The following ATXN2 variants were observed in gnomAD, a reference collection of about 807,000 sequenced individuals.
The protein encoded by ATXN2 is ataxin 2, also known as ataxin-2.
In ATXN2, 37 loss-of-function variants were observed where a neutral mutation model predicts 138.6. The observed-to-expected ratio is 0.27, with a 90% CI of 0.21 to 0.35. The LOEUF is 0.35. Among genes scored for constraint, ATXN2 ranks in the 10% least tolerant of loss-of-function variants. ATXN2 has a pLI of 1.00. For synonymous variants in ATXN2, 549 were observed against 543.7 expected, an observed-to-expected ratio of 1.01 and a Z score of -0.13; for missense variants, 1,216 against 1,480.3, an observed-to-expected ratio of 0.82 and a Z score of 2.93.
In ATXN2 at chr12:111,488,759, C is replaced by A; in HGVS notation, c.1957G>T (p.Glu653Ter). 1 of 1,607,734 alleles carries A rather than the reference C, an allele frequency of 6.2e-7. No homozygotes were observed. Among genetic ancestry groups the A allele is most frequent in the South Asian group, 1.1e-5 (1 of 90,528 alleles). Residue 653 changes from glutamate to a stop codon, truncating the protein, a stop_gained, in exon 15 of 25, where the codon GAA becomes TAA. Transcript: ENST00000673436. LOFTEE classifies it high-confidence loss of function. ...DFRLQPSSTS[E>*]SMDQLLNKNR... ...TTGTTTAGTAGTTGATCCATAGATTCAGAAGTAGAACTTGGCTGTAACTAA... is the reference window on the plus strand; with the variant it reads ...TTGTTTAGTAGTTGATCCATAGATTAAGAAGTAGAACTTGGCTGTAACTAA...
At chr12:111,477,872 C>T (rs1056389041) in intron 18 of ATXN2, among the ~76,000 whole-genome samples, 5 of 152,110 alleles carry the variant, frequency 3.3e-5, no homozygotes, top group Non-Finnish European at 5.9e-5. Flanking sequence ...TCCAAACCCC[C>T]GCAACCTCGC....
intron 14 of ATXN2, among the ~76,000 whole-genome samples, chr12:111,499,496 G>A (rs1338992564): frequency 6.6e-6 from 1 of 152,124 alleles, no homozygotes; most frequent in Non-Finnish European, 1.5e-5. Context: ...CTGAGGTTAG[G>A]AGTTCAAGAC....
rs1423861011 is a variant in ATXN2, at chr12:111,599,157, C to G, written c.-123G>C. 1 of 1,208,936 alleles carries G rather than the reference C, an allele frequency of 8.3e-7. No individual in the cohort carries two copies. The highest frequency in any genetic ancestry group is 1.0e-6 in the Non-Finnish European group (1 of 974,332). The allele number at this position is 1,208,936 out of a possible 1,614,324, so 74.9% of individuals were successfully genotyped here. ...CCGAGCGGGGAGGCGCGGGTTGGCG[C>G]GGCCGGAGGGGCGCCCGGGCTGGCG... is the stretch of plus-strand genomic sequence containing the variant. On this transcript the variant is annotated 5_prime_UTR_variant, in exon 1 of 25. Transcript: ENST00000673436.
At chr12:111,464,599 C>A in intron 21 of ATXN2, 63 bp downstream of exon 21, 4 of 1,336,586 alleles carry the variant, frequency 3.0e-6, no homozygotes, top group Non-Finnish European at 4.3e-6. Context: ...ACTCCCTTAA[C>A]ATGTATCCTT....
intron 3 of ATXN2, among the ~76,000 whole-genome samples, 157 bp from the exon 4 acceptor site, chr12:111,553,134 C>T (rs1882205669): frequency 6.6e-6 from 1 of 152,156 alleles, no homozygotes; most frequent in African/African-American, 2.4e-5. Context: ...TAACAATACA[C>T]TGAACTCTTG....
chr12:111,532,234 A>G (rs1430652545), intron 5 of ATXN2, among the ~76,000 whole-genome samples: 2 of 152,152 alleles, frequency 1.3e-5, no homozygotes, highest in Non-Finnish European at 2.9e-5. Context: ...TAATCCCAGC[A>G]CTTTGGAAGC....
chr12:111,472,130 G>A (rs1395765249), intron 18 of ATXN2, among the ~76,000 whole-genome samples: 1 of 152,054 alleles, frequency 6.6e-6, no homozygotes, highest in Non-Finnish European at 1.5e-5. Context: ...AGCCAGCTGC[G>A]GTGCTGTGCA....
At chr12:111,517,528 T>A (rs1879922341) in intron 9 of ATXN2, among the ~76,000 whole-genome samples, 1 of 152,216 alleles carries the variant, frequency 6.6e-6, no homozygotes, top group Non-Finnish European at 1.5e-5. Flanking sequence ...TTGCTATTAC[T>A]ATTTCCATAC....
At chr12:111,585,801 C>CA (rs761433806) in intron 1 of ATXN2, among the ~76,000 whole-genome samples, 2,607 of 24,648 alleles carry the variant, frequency 0.11, 510 homozygotes, top group East Asian at 0.6. Flanking sequence ...AACTCCATCT[C>CA]AAAAAAAAAA....
chr12:111,476,422 T>C (rs114515830), intron 18 of ATXN2, among the ~76,000 whole-genome samples: 20 of 150,828 alleles, frequency 1.3e-4, no homozygotes, highest in African/African-American at 4.6e-4. Flanking sequence ...CATGGCAAAA[T>C]CTCATGCCTT....
At position 111,485,716 on chromosome 12, in the gene ATXN2, C is replaced by T; in HGVS notation, c.2454G>A (p.Val818=). The change falls in exon 17 of 25, where the codon GTG becomes GTA. Residue 818 remains valine (V), a synonymous_variant. Transcript: ENST00000673436. ...MMYPVPVSPG[V]QPLYPIPMTP... is the part of the protein sequence containing the mutation. ...AACATCAAATTCTATGACTTACTTGCACGCCTGGGCTCACTGGGACTGGAT... is the reference window on the plus strand; with the variant it reads ...AACATCAAATTCTATGACTTACTTGTACGCCTGGGCTCACTGGGACTGGAT... 6.2e-7 allele frequency: 1 copy of T among 1,613,694 alleles called. No homozygotes were observed. The highest frequency in any genetic ancestry group is 8.5e-7 in the Non-Finnish European group (1 of 1,179,850).
chr12:111,472,989 C>A (rs1876520471), intron 18 of ATXN2, among the ~76,000 whole-genome samples: 1 of 152,138 alleles, frequency 6.6e-6, no homozygotes, highest in Admixed American at 6.6e-5. Context: ...TATTGTGATT[C>A]TGGCCTGCCA....
chr12:111,457,563 A>C, intron 21 of ATXN2: 1 of 536,776 alleles, frequency 1.9e-6, no homozygotes, highest in Non-Finnish European at 3.2e-6. Flanking sequence ...CATTTGGTTC[A>C]TATAATACAG....
At chr12:111,583,280 C>T (rs887443335) in intron 1 of ATXN2, among the ~76,000 whole-genome samples, 3 of 152,082 alleles carry the variant, frequency 2.0e-5, no homozygotes, top group African/African-American at 4.8e-5. Context: ...CGTGAGCCAC[C>T]GCGCCCAGCC....
chr12:111,511,080 A>T (rs1879480171), intron 11 of ATXN2: 1 of 152,448 alleles, frequency 6.6e-6, no homozygotes, highest in African/African-American at 2.4e-5. Context: ...AATTAAGGAA[A>T]CTTGAGACCC....
intron 1 of ATXN2, among the ~76,000 whole-genome samples, chr12:111,595,428 G>T (rs1405661792): frequency 6.6e-6 from 1 of 152,008 alleles, no homozygotes; most frequent in Non-Finnish European, 1.5e-5. Flanking sequence ...CATCACCTGA[G>T]GTCGGTAGTA....
chr12:111,521,646 G>C (rs1382618489), intron 6 of ATXN2, among the ~76,000 whole-genome samples: 1 of 152,174 alleles, frequency 6.6e-6, no homozygotes, highest in Non-Finnish European at 1.5e-5. Context: ...TGACACCTCA[G>C]AAGTGGCAAC....
At chr12:111,518,657 G>A (rs917767669) in intron 8 of ATXN2, among the ~76,000 whole-genome samples, 4 of 152,102 alleles carry the variant, frequency 2.6e-5, no homozygotes, top group Admixed American at 6.5e-5. Context: ...TAACAGATGC[G>A]TGCTCATTCT....
chr12:111,521,523 C>A (rs545759731), intron 6 of ATXN2, among the ~76,000 whole-genome samples: 1 of 152,296 alleles, frequency 6.6e-6, no homozygotes, highest in East Asian at 1.9e-4. Context: ...TGGCAACCTC[C>A]CCTTCCTCCT....
Sources: allele counts gnomAD v4.1 joint callset (sites outside exome capture counted in the v4.1 genomes callset), GRCh38; gene constraint gnomAD v4.1.1; transcripts MANE v1.5; gene names NCBI Gene and HGNC (gene_info 2026-07-23, HGNC 2026-07-21).